The following ST6GALNAC3 variants were observed in gnomAD, a reference collection of about 807,000 sequenced individuals.
ST6GALNAC3 encodes ST6 N-acetylgalactosaminide alpha-2,6-sialyltransferase 3.
Under a neutral mutation model 32.7 loss-of-function variants are expected in ST6GALNAC3, and 25 were observed. That is an observed-to-expected ratio of 0.76 (90% CI 0.56 to 1.07). ST6GALNAC3 has a LOEUF of 1.07. Ranked by LOEUF, ST6GALNAC3 falls within the 50% of genes least tolerant of loss-of-function variation. The pLI is 0.00. For missense variants in ST6GALNAC3, 355 were observed against 382.4 expected, an observed-to-expected ratio of 0.93 and a Z score of 0.60; for synonymous variants, 129 against 133.1, an observed-to-expected ratio of 0.97 and a Z score of 0.21.
intron 1 of ST6GALNAC3, among the ~76,000 whole-genome samples, chr1:76,111,858 A>G (rs1034573753): frequency 2.0e-5 from 3 of 152,022 alleles, no homozygotes; most frequent in Non-Finnish European, 4.4e-5. Context: ...AGACACGGCA[A>G]CCATCTGATT....
chr1:76,510,644 G>T (rs1357030027), intron 3 of ST6GALNAC3, among the ~76,000 whole-genome samples: 1 of 152,074 alleles, frequency 6.6e-6, no homozygotes, highest in Non-Finnish European at 1.5e-5. Flanking sequence ...CTTATGATGG[G>T]GTTATATTTG....
intron 1 of ST6GALNAC3, among the ~76,000 whole-genome samples, chr1:76,211,469 A>C (rs1420606727): frequency 6.6e-6 from 1 of 152,246 alleles, no homozygotes; most frequent in African/African-American, 2.4e-5. Flanking sequence ...ACATGCTTCT[A>C]TAAAGACACG....
intron 1 of ST6GALNAC3, among the ~76,000 whole-genome samples, chr1:76,271,909 A>G (rs564086935): frequency 4.7e-4 from 71 of 152,178 alleles, no homozygotes; most frequent in Admixed American, 2.3e-3. Context: ...ACCTTTTAAT[A>G]AAGCTGAGAG....
At chr1:76,541,244 T>C (rs1663968885) in intron 3 of ST6GALNAC3, among the ~76,000 whole-genome samples, 1 of 152,154 alleles carries the variant, frequency 6.6e-6, no homozygotes, top group Non-Finnish European at 1.5e-5. Context: ...TGCTTGGTGA[T>C]GAAAAGTAAG....
intron 3 of ST6GALNAC3, among the ~76,000 whole-genome samples, chr1:76,473,618 G>C (rs1659171338): frequency 6.6e-6 from 1 of 152,122 alleles, no homozygotes; most frequent in South Asian, 2.1e-4. Context: ...AATAGTTATA[G>C]ATGGGAAAGT....
chr1:76,187,981 G>A (rs1404428879), intron 1 of ST6GALNAC3, among the ~76,000 whole-genome samples: 1 of 152,062 alleles, frequency 6.6e-6, no homozygotes, highest in Admixed American at 6.5e-5. Flanking sequence ...TCAACGCTTA[G>A]GTAATGTGGA....
chr1:76,508,419 T>C (rs1661616346), intron 3 of ST6GALNAC3, among the ~76,000 whole-genome samples: 1 of 152,060 alleles, frequency 6.6e-6, no homozygotes, highest in Non-Finnish European at 1.5e-5. Context: ...TTAGAGGAAT[T>C]TGGCCCACTA....
chr1:76,168,372 G>A (rs1410480776), intron 1 of ST6GALNAC3, among the ~76,000 whole-genome samples: 2 of 152,094 alleles, frequency 1.3e-5, no homozygotes, highest in African/African-American at 2.4e-5. Flanking sequence ...CAGTTCTTTT[G>A]CATTTGCTGA....
At chr1:76,388,184 C>T (rs752795709) in intron 2 of ST6GALNAC3, among the ~76,000 whole-genome samples, 9 of 152,124 alleles carry the variant, frequency 5.9e-5, no homozygotes, top group Non-Finnish European at 8.8e-5. Context: ...TTTACTCCCA[C>T]TTATTAATCC....
chr1:76,281,797 T>C (rs888168582), intron 1 of ST6GALNAC3, among the ~76,000 whole-genome samples: 11 of 152,208 alleles, frequency 7.2e-5, no homozygotes, highest in African/African-American at 2.2e-4. Flanking sequence ...AGTGAATTCA[T>C]GTGACCTGGA....
intron 2 of ST6GALNAC3, among the ~76,000 whole-genome samples, chr1:76,382,358 A>C (rs1019671970): frequency 2.6e-5 from 4 of 152,222 alleles, no homozygotes; most frequent in Admixed American, 2.6e-4. Flanking sequence ...ATGTGTAAGA[A>C]AATAGATATC....
Position 76,074,773 on chromosome 1 carries a change from G to T in ST6GALNAC3, c.-94G>T. The T allele has an allele frequency of 7.1e-7, 1 of 1,402,944 alleles. No individual in the cohort carries two copies. The highest frequency in any genetic ancestry group is 9.8e-7 in the Non-Finnish European group (1 of 1,023,680). 86.9% of individuals were successfully genotyped at this position (1,402,944 alleles called of 1,614,324 possible). ...ATCTGCGGGAATGTGGGCTGGAGAG[G>T]TCCTGCCGTGGTACCAGCCTCCAGC... On this transcript the variant is annotated 5_prime_UTR_variant, in exon 1 of 5. Transcript: ENST00000328299.
intron 1 of ST6GALNAC3, among the ~76,000 whole-genome samples, chr1:76,302,570 A>T (rs949842058): frequency 3.9e-5 from 6 of 152,052 alleles, no homozygotes; most frequent in Non-Finnish European, 8.8e-5. Context: ...GGTCTCTTAT[A>T]GCTGATGAAC....
At chr1:76,540,176 A>G (rs963943721) in intron 3 of ST6GALNAC3, among the ~76,000 whole-genome samples, 3 of 152,222 alleles carry the variant, frequency 2.0e-5, no homozygotes, top group African/African-American at 4.8e-5. Flanking sequence ...CTATGCAGCC[A>G]TAAAAAATAC....
chr1:76,393,546 C>T (rs2101166211), intron 2 of ST6GALNAC3, among the ~76,000 whole-genome samples: 1 of 152,222 alleles, frequency 6.6e-6, no homozygotes, highest in Admixed American at 6.5e-5. Context: ...CCAACAGACT[C>T]AGGTGAAAAA....
At chr1:76,128,192 A>G (rs1649382278) in intron 1 of ST6GALNAC3, among the ~76,000 whole-genome samples, 1 of 152,124 alleles carries the variant, frequency 6.6e-6, no homozygotes, top group Admixed American at 6.5e-5. Context: ...GCTTGTTGGA[A>G]CAATGCTTTA....
At chr1:76,214,472 G>C (rs1482951413) in intron 1 of ST6GALNAC3, among the ~76,000 whole-genome samples, 4 of 152,082 alleles carry the variant, frequency 2.6e-5, no homozygotes, top group South Asian at 4.1e-4. Context: ...TATAAATTCT[G>C]GAAAAGGTTC....
chr1:76,199,959 A>C (rs767770301), intron 1 of ST6GALNAC3, among the ~76,000 whole-genome samples: 7 of 152,170 alleles, frequency 4.6e-5, no homozygotes, highest in Non-Finnish European at 1.0e-4. Flanking sequence ...GAGAGAGTTG[A>C]GATTCTTGAT....
chr1:76,501,149 C>G (rs1338302177), intron 3 of ST6GALNAC3, among the ~76,000 whole-genome samples: 2 of 152,098 alleles, frequency 1.3e-5, no homozygotes, highest in South Asian at 2.1e-4. Context: ...ACTTCCTCCC[C>G]TCTCCCTCCC....
Sources: gnomAD v4.1 joint callset for allele counts (sites outside exome capture counted in the v4.1 genomes callset) on GRCh38, gnomAD v4.1.1 for gene constraint, MANE v1.5 for transcripts, NCBI Gene and HGNC (gene_info 2026-07-23, HGNC 2026-07-21) for gene names.